ZNF91: variants seen among roughly 807,000 people sequenced by gnomAD.
The protein encoded by ZNF91 is zinc finger protein 91 (HPF7, HTF10).
Under a neutral mutation model 12.6 loss-of-function variants are expected in ZNF91, and 7 were observed. The ratio of observed to expected loss-of-function variants is 0.55; its 90% CI spans 0.31 to 1.04. The LOEUF is 1.04. Ranked by LOEUF, ZNF91 falls within the 50% of genes least tolerant of loss-of-function variation. The pLI, the probability that ZNF91 is intolerant of heterozygous loss-of-function variation, is 0.05. For missense variants in ZNF91, 1,217 were observed against 1,385.4 expected (o/e 0.88, Z 1.93); for synonymous variants, 453 against 462.6 (o/e 0.98, Z 0.27).
At chr19:23,378,300 A>G (rs1969577143) in intron 1 of ZNF91, among the ~76,000 whole-genome samples, 1 of 152,204 alleles carries the variant, frequency 6.6e-6, no homozygotes, top group African/African-American at 2.4e-5. Context: ...TAGTTCTGCG[A>G]GGCAAAACTC....
At chr19:23,376,394 CT>C (rs949362020) in intron 1 of ZNF91, among the ~76,000 whole-genome samples, 2 of 143,796 alleles carry the variant, frequency 1.4e-5, no homozygotes, top group Middle Eastern at 3.5e-3. Context: ...TTTTTTTTCT[CT>C]TTTTTTTTGA....
intron 3 of ZNF91, among the ~76,000 whole-genome samples, chr19:23,367,998 C>T (rs953939921): frequency 6.6e-6 from 1 of 152,022 alleles, no homozygotes; most frequent in Non-Finnish European, 1.5e-5. Context: ...CAACCTCTGC[C>T]TCCCGGGTTC....
chr19:23,332,142 T>C (rs1373024551), intron 1 of ZNF91, among the ~76,000 whole-genome samples: 1 of 152,228 alleles, frequency 6.6e-6, no homozygotes, highest in Non-Finnish European at 1.5e-5. Context: ...AAGTTAAATC[T>C]TTCTGTTTCT....
intron 1 of ZNF91, among the ~76,000 whole-genome samples, chr19:23,323,384 CTACT>C (rs1158125398): frequency 7.0e-6 from 1 of 142,994 alleles, no homozygotes; most frequent in Non-Finnish European, 1.5e-5. Flanking sequence ...CCTCTTCCTC[CTACT>C]CTCTTCCCCC....
intron 1 of ZNF91, chr19:23,328,337 C>T (rs1465244488): frequency 2.6e-5 from 4 of 152,090 alleles, no homozygotes; most frequent in Non-Finnish European, 5.9e-5. Context: ...TCAAGGAAGG[C>T]ATCCTGTGGA....
intron 1 of ZNF91, among the ~76,000 whole-genome samples, chr19:23,385,954 C>T (rs985086443): frequency 2.0e-5 from 3 of 151,908 alleles, no homozygotes. Context: ...TTTTACATGC[C>T]TTTGGAAAAA....
At chr19:23,363,439 GACTC>G in intron 3 of ZNF91, among the ~76,000 whole-genome samples, 1 of 152,262 alleles carries the variant, frequency 6.6e-6, no homozygotes, top group East Asian at 1.9e-4. Context: ...AGTGATTACT[GACTC>G]CTACAAAGTA....
chr19:23,380,840 A>C (rs1969689744), intron 1 of ZNF91: 1 of 152,002 alleles, frequency 6.6e-6, no homozygotes, highest in South Asian at 2.1e-4. Flanking sequence ...GAATCTATAT[A>C]GAAATATATC....
chr19:23,371,607 C>T (rs1172846037), intron 3 of ZNF91, among the ~76,000 whole-genome samples: 2 of 151,848 alleles, frequency 1.3e-5, no homozygotes, highest in Admixed American at 1.3e-4. Flanking sequence ...AAAAAACACA[C>T]TAATGTAGAA....
At chr19:23,322,503 C>T (rs1967718520) in intron 1 of ZNF91, among the ~76,000 whole-genome samples, 1 of 152,166 alleles carries the variant, frequency 6.6e-6, no homozygotes, top group African/African-American at 2.4e-5. Context: ...GGTGTATTAC[C>T]ACATATCTTT....
chr19:23,387,713 G>A (rs915694642), intron 1 of ZNF91, among the ~76,000 whole-genome samples: 3 of 152,142 alleles, frequency 2.0e-5, no homozygotes, highest in African/African-American at 7.2e-5. Flanking sequence ...GCCAAGGTGG[G>A]TGGATCACCT....
chr19:23,310,345 A>G (rs753874623), intron 1 of ZNF91, among the ~76,000 whole-genome samples: 105 of 152,172 alleles, frequency 6.9e-4, no homozygotes, highest in Non-Finnish European at 1.3e-3. Context: ...AAAGTTGGAA[A>G]ATTGACTCTC....
chr19:23,357,140 C>T (rs1226574761), downstream of ZNF91, among the ~76,000 whole-genome samples: 5 of 152,094 alleles, frequency 3.3e-5, no homozygotes, highest in African/African-American at 1.2e-4. Flanking sequence ...GGCAGGAGAA[C>T]TGCTTGAACC....
chr19:23,387,882 G>T (rs1460657061), intron 1 of ZNF91, among the ~76,000 whole-genome samples: 2 of 145,302 alleles, frequency 1.4e-5, no homozygotes, highest in Non-Finnish European at 3.0e-5. Flanking sequence ...GGCAGAGGTT[G>T]CAGTGAGCTG....
chr19:23,363,119 G>GA (rs1305438552), intron 3 of ZNF91, among the ~76,000 whole-genome samples: 2 of 151,876 alleles, frequency 1.3e-5, no homozygotes, highest in Admixed American at 6.6e-5. Flanking sequence ...AAACCACACA[G>GA]AAAAAAAAGA....
intron 1 of ZNF91, among the ~76,000 whole-genome samples, chr19:23,388,274 AAT>A (rs1969942927): frequency 6.6e-6 from 1 of 152,068 alleles, no homozygotes; most frequent in South Asian, 2.1e-4. Flanking sequence ...ATAATAAAAA[AAT>A]ATGATACATA....
intron 3 of ZNF91, among the ~76,000 whole-genome samples, chr19:23,365,822 G>A (rs991623574): frequency 2.6e-5 from 4 of 152,038 alleles, no homozygotes; most frequent in East Asian, 1.9e-4. Flanking sequence ...ATCTTGCACC[G>A]CCCTTAATCC....
intron 1 of ZNF91, among the ~76,000 whole-genome samples, chr19:23,382,723 A>G (rs759794444): frequency 2.0e-5 from 3 of 152,206 alleles, no homozygotes; most frequent in Non-Finnish European, 4.4e-5. Flanking sequence ...GTCTATTATG[A>G]ACACCTCTGT....
At chr19:23,325,396 C>T (rs295418) in intron 1 of ZNF91, 1 of 151,806 alleles carries the variant, frequency 6.6e-6, no homozygotes, top group Non-Finnish European at 1.5e-5. Flanking sequence ...CATACCTGGG[C>T]GTGAGTTCTG....
Sources: gnomAD v4.1 joint callset for allele counts (sites outside exome capture counted in the v4.1 genomes callset) on GRCh38, gnomAD v4.1.1 for gene constraint, MANE v1.5 for transcripts, NCBI Gene and HGNC (gene_info 2026-07-23, HGNC 2026-07-21) for gene names.